ARL15: variants seen among roughly 807,000 people sequenced by gnomAD.
ARL15 encodes the protein ADP-ribosylation factor-like protein 15.
Under a neutral mutation model 25.2 loss-of-function variants are expected in ARL15, and 19 were observed. The ratio of observed to expected loss-of-function variants is 0.75; its 90% CI spans 0.53 to 1.10. The LOEUF is 1.10. ARL15 is among the 50% of genes least tolerant of loss of function. The pLI is 0.00. For missense variants in ARL15, 220 were observed against 246.0 expected (o/e 0.89, Z 0.71); for synonymous variants, 94 against 86.8 (o/e 1.08, Z -0.46).
At chr5:53,896,320 C>G (rs1744871940) in intron 4 of ARL15, among the ~76,000 whole-genome samples, 1 of 152,148 alleles carries the variant, frequency 6.6e-6, no homozygotes, top group Non-Finnish European at 1.5e-5. Flanking sequence ...AGGTGTGAGC[C>G]ACCACGCCCA....
chr5:53,956,559 T>G (rs550401128), intron 4 of ARL15, among the ~76,000 whole-genome samples: 1 of 151,598 alleles, frequency 6.6e-6, no homozygotes, highest in Non-Finnish European at 1.5e-5. Flanking sequence ...AACTTACAGA[T>G]AAAGACTTTA....
intron 2 of ARL15, among the ~76,000 whole-genome samples, chr5:54,158,233 T>C (rs934045661): frequency 1.3e-5 from 2 of 152,180 alleles, no homozygotes; most frequent in African/African-American, 4.8e-5. Context: ...AGGTTCAAAC[T>C]CTTCCTATTC....
chr5:53,996,990 T>C (rs1342941367), intron 4 of ARL15, among the ~76,000 whole-genome samples: 1 of 152,170 alleles, frequency 6.6e-6, no homozygotes, highest in African/African-American at 2.4e-5. Context: ...TTCTGTGCAG[T>C]TTAATAAACC....
chr5:54,113,237 G>A lies in ARL15; in HGVS notation c.427C>T (p.His143Tyr), dbSNP rs765097364. ...GAGCGAGCTGCTGGCTTGTCTTGAT[G>A]ATTGGCCAATATTAAAAAGGGTAAA... ...CTLPFLILANHQDKPAARSVQ... is the reference protein window; with the variant it reads ...CTLPFLILANYQDKPAARSVQ... The change falls in exon 4 of 5, where the codon CAT (histidine) becomes TAT (tyrosine). Residue 143 changes from histidine to tyrosine, a missense_variant. His to Tyr is a moderately conservative substitution (Grantham distance 83, BLOSUM62 2). Coordinates refer to ENST00000504924, the MANE Select transcript of ARL15 (RefSeq NM_019087.3). The A allele has an allele frequency of 6.2e-7, 1 of 1,613,774 alleles. No individual in the cohort carries two copies. Among genetic ancestry groups the A allele is most frequent in the African/African-American group, 1.3e-5 (1 of 75,032 alleles).
At chr5:53,943,641 A>T (rs898981149) in intron 4 of ARL15, among the ~76,000 whole-genome samples, 1 of 152,228 alleles carries the variant, frequency 6.6e-6, no homozygotes, top group Non-Finnish European at 1.5e-5. Flanking sequence ...CAGGTGGTAC[A>T]GCTACTTATA....
intron 4 of ARL15, among the ~76,000 whole-genome samples, chr5:53,902,581 G>C (rs1438024733): frequency 6.6e-6 from 1 of 152,162 alleles, no homozygotes; most frequent in African/African-American, 2.4e-5. Context: ...AAATAAACAT[G>C]TTTAATATTG....
At chr5:54,305,184 C>G (rs1758723923) in intron 1 of ARL15, among the ~76,000 whole-genome samples, 1 of 152,038 alleles carries the variant, frequency 6.6e-6, no homozygotes, top group Non-Finnish European at 1.5e-5. Context: ...TTAAACTAAC[C>G]TATCAAATCT....
chr5:54,006,643 G>A (rs1188665313), intron 4 of ARL15, among the ~76,000 whole-genome samples: 1 of 151,998 alleles, frequency 6.6e-6, no homozygotes, highest in African/African-American at 2.4e-5. Flanking sequence ...AACATTTATT[G>A]ATTTCCTTTC....
intron 4 of ARL15, among the ~76,000 whole-genome samples, chr5:54,055,994 T>C (rs928310805): frequency 3.3e-5 from 5 of 152,304 alleles, no homozygotes; most frequent in African/African-American, 9.6e-5. Flanking sequence ...CAAATGTTTA[T>C]TGAATTATTG....
intron 2 of ARL15, among the ~76,000 whole-genome samples, chr5:54,171,154 C>T (rs1754706575): frequency 3.9e-5 from 6 of 152,148 alleles, no homozygotes; most frequent in Admixed American, 3.9e-4. Flanking sequence ...GGGGGCTGCC[C>T]TGTACATTGA....
At chr5:54,286,345 T>A (rs966049335) in intron 1 of ARL15, 1 of 152,186 alleles carries the variant, frequency 6.6e-6, no homozygotes, top group Non-Finnish European at 1.5e-5. Context: ...GCCAAGAGCA[T>A]CTATACTTCC....
rs933691186 is a variant in ARL15, at chr5:53,931,584, C to G, written c.463-44871G>C. Among the ~76,000 whole-genome samples the G allele has an allele frequency of 3.2e-4, 48 of 152,172 alleles. 1 individual carries two copies. The highest frequency in any genetic ancestry group is 1.2e-3 in the African/African-American group (48 of 41,436). On this transcript the variant is annotated intron_variant, in intron 4 of 4. Coordinates refer to ENST00000504924, the MANE Select transcript of ARL15 (RefSeq NM_019087.3). ...CTAAAGGAAGCCACAGAAGTCAACA[C>G]CTTTACCAGATCCAATCCTACCTCT... is the stretch of plus-strand genomic sequence containing the variant.
chr5:54,196,764 G>A (rs1229505238), intron 1 of ARL15, among the ~76,000 whole-genome samples: 3 of 152,042 alleles, frequency 2.0e-5, no homozygotes, highest in African/African-American at 4.8e-5. Flanking sequence ...AACAGCTGCA[G>A]TGGGATATAT....
At chr5:54,082,159 G>C (rs1160301368) in intron 4 of ARL15, among the ~76,000 whole-genome samples, 2 of 151,728 alleles carry the variant, frequency 1.3e-5, no homozygotes, top group Non-Finnish European at 2.9e-5. Flanking sequence ...GTTCTCTGGG[G>C]CTTCTCATGA....
chr5:54,190,773 C>T (rs1005720944), intron 1 of ARL15, among the ~76,000 whole-genome samples: 5 of 152,120 alleles, frequency 3.3e-5, no homozygotes, highest in Non-Finnish European at 7.4e-5. Context: ...CACATTCAAA[C>T]CATAACAGCT....
chr5:54,178,674 A>C (rs1238077852), intron 1 of ARL15, among the ~76,000 whole-genome samples: 4 of 19,496 alleles, frequency 2.1e-4, no homozygotes, highest in Admixed American at 7.3e-4. Context: ...TGAAGAAAAA[A>C]AGAAGCTTCT....
chr5:54,246,258 C>A (rs377203592), intron 1 of ARL15, among the ~76,000 whole-genome samples: 1 of 151,966 alleles, frequency 6.6e-6, no homozygotes, highest in Non-Finnish European at 1.5e-5. Context: ...CTCCTCTATG[C>A]GCCCTTATTC....
intron 3 of ARL15, among the ~76,000 whole-genome samples, chr5:54,140,417 C>CAGATAGATAGAT (rs57386310): frequency 2.6e-3 from 378 of 145,370 alleles, no homozygotes; most frequent in East Asian, 5.7e-3. Context: ...TGTGGATAGA[C>CAGATAGATAGAT]AGATAGATAG....
chr5:54,114,380 G>A (rs909468808), intron 3 of ARL15, among the ~76,000 whole-genome samples: 1 of 117,180 alleles, frequency 8.5e-6, no homozygotes, highest in African/African-American at 3.4e-5. Context: ...CTCCAGCCTG[G>A]GCAACACAGC....
Sources: gnomAD v4.1 joint callset for allele counts (sites outside exome capture counted in the v4.1 genomes callset) on GRCh38, gnomAD v4.1.1 for gene constraint, MANE v1.5 for transcripts, NCBI Gene and HGNC (gene_info 2026-07-23, HGNC 2026-07-21) for gene names.